The following UTRN variants were observed in gnomAD, a reference collection of about 807,000 sequenced individuals.
The protein encoded by UTRN is utrophin.
Under a neutral mutation model 463.9 loss-of-function variants are expected in UTRN, and 283 were observed. The ratio of observed to expected loss-of-function variants is 0.61; its 90% CI spans 0.55 to 0.67. UTRN has a LOEUF of 0.67. Ranked by LOEUF, UTRN falls within the 30% of genes least tolerant of loss-of-function variation. The pLI, the probability that UTRN is intolerant of heterozygous loss-of-function variation, is 0.00. For synonymous variants in UTRN, 1,442 were observed against 1,431.5 expected, an observed-to-expected ratio of 1.01 and a Z score of -0.17; for missense variants, 3,922 against 4,084.3, an observed-to-expected ratio of 0.96 and a Z score of 1.08.
chr6:144,832,944 C>T (rs1039454496), intron 69 of UTRN, among the ~76,000 whole-genome samples: 4 of 152,008 alleles, frequency 2.6e-5, no homozygotes, highest in African/African-American at 4.8e-5. Flanking sequence ...CTCAGCCTCC[C>T]GAGTAGCTGG....
At chr6:144,451,285 A>G (rs6902981) in intron 17 of UTRN, 85 bp from the exon 18 acceptor site, 35,239 of 1,489,746 alleles carry the variant, frequency 0.024, 1,502 homozygotes, top group African/African-American at 0.15. Flanking sequence ...CATATTCCTG[A>G]TGAGCATTTG....
chr6:144,354,213 C>T lies in UTRN; in HGVS notation c.80-48910C>T, dbSNP rs142547469. ...TGTGAATGCTGCTATAAACTGACAC[C>T]CTGACAATAACGATATGCTTGTTGA... On this transcript the variant is annotated intron_variant, in intron 2 of 74. Coordinates refer to ENST00000367545, the MANE Select transcript of UTRN (RefSeq NM_007124.3). Among the ~76,000 whole-genome samples, 563 of 152,110 alleles carry T rather than the reference C, an allele frequency of 3.7e-3. 3 individuals carry two copies. Among genetic ancestry groups the T allele is most frequent in the African/African-American group, 0.012 (504 of 41,492 alleles).
intron 51 of UTRN, among the ~76,000 whole-genome samples, chr6:144,651,107 A>T (rs1222187395): frequency 1.3e-5 from 2 of 151,994 alleles, no homozygotes; most frequent in Non-Finnish European, 2.9e-5. Context: ...GTGCAAAAGT[A>T]ATCACGGTTT....
intron 51 of UTRN, among the ~76,000 whole-genome samples, chr6:144,627,008 T>A (rs968094053): frequency 6.6e-6 from 1 of 152,176 alleles, no homozygotes; most frequent in Non-Finnish European, 1.5e-5. Context: ...CATTGAGAAA[T>A]AAGATTTGAT....
chr6:144,687,267 A>T (rs1232063273), intron 52 of UTRN, among the ~76,000 whole-genome samples: 4 of 152,090 alleles, frequency 2.6e-5, no homozygotes, highest in Non-Finnish European at 4.4e-5. Flanking sequence ...TGTTGGTATC[A>T]GAGTGATAAT....
At chr6:144,574,879 A>C (rs942814421) in intron 50 of UTRN, among the ~76,000 whole-genome samples, 2 of 151,910 alleles carry the variant, frequency 1.3e-5, no homozygotes, top group African/African-American at 4.8e-5. Flanking sequence ...ACTGTGCCCC[A>C]CCTAGACATA....
intron 54 of UTRN, among the ~76,000 whole-genome samples, chr6:144,743,534 C>G (rs1790340100): frequency 6.6e-6 from 1 of 152,062 alleles, no homozygotes. Context: ...AAATATTTTT[C>G]TAGCATGAGA....
At chr6:144,358,703 T>C (rs1273015760) in intron 2 of UTRN, among the ~76,000 whole-genome samples, 7 of 152,222 alleles carry the variant, frequency 4.6e-5, no homozygotes, top group Admixed American at 4.6e-4. Flanking sequence ...ACTCCTGGGC[T>C]CAAGTGATCC....
At chr6:144,473,621 G>A (rs1017221395) in intron 23 of UTRN, 99 bp from the exon 24 acceptor site, 13 of 756,030 alleles carry the variant, frequency 1.7e-5, no homozygotes, top group Non-Finnish European at 2.8e-5. Context: ...TGCTATCGGA[G>A]CTTTAAAAAG....
At position 144,809,240 on chromosome 6, in the gene UTRN, C is replaced by T. The variant is rs149330438; in HGVS notation, c.9357+6093C>T. 4.4e-3 allele frequency among the ~76,000 whole-genome samples: 663 copies of T among 152,168 alleles called. 2 individuals carry two copies. Among genetic ancestry groups the T allele is most frequent in the Admixed American group, 8.7e-3 (133 of 15,272 alleles). ...GGATAATGGAAAATGTTTAGAATAG[C>T]TACTAGGGTCAATCTTGAGTCACAC... On this transcript the variant is annotated intron_variant, in intron 65 of 74. Coordinates refer to ENST00000367545, the MANE Select transcript of UTRN (RefSeq NM_007124.3).
chr6:144,727,651 C>T (rs954337239), intron 53 of UTRN, among the ~76,000 whole-genome samples: 1 of 152,108 alleles, frequency 6.6e-6, no homozygotes, highest in African/African-American at 2.4e-5. Context: ...CCCAGCTACT[C>T]AGGAGGCTGA....
chr6:144,408,503 G>A (rs1007049165), intron 3 of UTRN, among the ~76,000 whole-genome samples: 3 of 152,200 alleles, frequency 2.0e-5, no homozygotes, highest in African/African-American at 7.2e-5. Context: ...CACAAATAAA[G>A]GTTAGGTAGA....
At chr6:144,552,100 A>G (rs1470084423) in intron 48 of UTRN, among the ~76,000 whole-genome samples, 1 of 152,240 alleles carries the variant, frequency 6.6e-6, no homozygotes, top group East Asian at 1.9e-4. Context: ...CAGTGCCAAT[A>G]CAAATTAACT....
intron 31 of UTRN, among the ~76,000 whole-genome samples, chr6:144,490,469 T>A (rs1424804461): frequency 3.3e-5 from 5 of 152,238 alleles, no homozygotes; most frequent in Non-Finnish European, 7.3e-5. Flanking sequence ...ACTTTTTCTT[T>A]AATGCAGAGC....
intron 35 of UTRN, 102 bp downstream of exon 35, chr6:144,511,225 T>A: frequency 6.3e-6 from 7 of 1,117,774 alleles, no homozygotes; most frequent in Non-Finnish European, 7.1e-6. Context: ...GTTTACTGTG[T>A]GTCACAGTGA....
intron 54 of UTRN, among the ~76,000 whole-genome samples, chr6:144,732,299 CAT>C (rs367595941): frequency 0.013 from 1,667 of 128,612 alleles, 25 homozygotes; most frequent in Middle Eastern, 0.037. Flanking sequence ...TATATATACA[CAT>C]ATATATATAT....
Position 144,482,319 on chromosome 6 carries a change from G to A in UTRN, c.3618G>A (p.Glu1206=), listed in dbSNP as rs769353353. Residue 1206 remains glutamate (E), a synonymous_variant, in exon 27 of 75, where the codon GAG becomes GAA. Coordinates refer to ENST00000367545, the MANE Select transcript of UTRN (RefSeq NM_007124.3). ...CTGGTGGCCAGGAGTTGACGTCTGA[G>A]CTGAATGTTGTGCTGGAGAATTACC... The part of the protein sequence containing the change: ...VPSGGQELTS[E]LNVVLENYQL... 5 of 1,608,450 alleles carry A rather than the reference G, an allele frequency of 3.1e-6. No homozygotes were observed. The Admixed American group carries it at 5.2e-5, about 17-fold the overall frequency.
intron 38 of UTRN, 132 bp downstream of exon 38, chr6:144,516,519 G>A: frequency 1.2e-5 from 13 of 1,066,796 alleles, no homozygotes; most frequent in Non-Finnish European, 1.7e-5. Flanking sequence ...ATTTTTTGAT[G>A]TGTGTCAATG....
At chr6:144,732,223 T>TATATATACAC in intron 54 of UTRN, among the ~76,000 whole-genome samples, 2 of 43,442 alleles carry the variant, frequency 4.6e-5, no homozygotes, top group East Asian at 1.4e-3. Flanking sequence ...TTTATATATA[T>TATATATACAC]ATATATATAT....
Sources: gnomAD v4.1 joint callset for allele counts (sites outside exome capture counted in the v4.1 genomes callset) on GRCh38, gnomAD v4.1.1 for gene constraint, MANE v1.5 for transcripts, NCBI Gene and HGNC (gene_info 2026-07-23, HGNC 2026-07-21) for gene names.